Variants in GRIP1 observed in about 807,000 individuals in gnomAD.
GRIP1 encodes glutamate receptor interacting protein 1, also known as glutamate receptor-interacting protein 1.
In GRIP1, 45 loss-of-function variants were observed where a neutral mutation model predicts 129.9. The observed-to-expected ratio is 0.35, with a 90% confidence interval of 0.27 to 0.44. The LOEUF is 0.44. GRIP1 is among the 20% of genes least tolerant of loss of function. GRIP1 has a pLI of 1.00. For synonymous variants in GRIP1, 530 were observed against 520.8 expected, an observed-to-expected ratio of 1.02 and a Z score of -0.24; for missense variants, 1,196 against 1,396.8, an observed-to-expected ratio of 0.86 and a Z score of 2.29.
chr12:66,559,957 G>A (rs913671000), intron 2 of GRIP1, among the ~76,000 whole-genome samples: 1 of 151,966 alleles, frequency 6.6e-6, no homozygotes, highest in African/African-American at 2.4e-5. Flanking sequence ...CATGGTACTG[G>A]CATAAAAACA....
intron 1 of GRIP1, among the ~76,000 whole-genome samples, chr12:66,785,325 TACATACATACATACATAC>T (rs1170127531): frequency 1.9e-5 from 1 of 52,162 alleles, no homozygotes; most frequent in East Asian, 6.9e-4. Flanking sequence ...CATACATACA[TACATACATACATACATAC>T]ATATATATAT....
chr12:67,044,598 C>T (rs2043226114), intron 1 of GRIP1, among the ~76,000 whole-genome samples: 1 of 152,068 alleles, frequency 6.6e-6, no homozygotes. Flanking sequence ...CCTGTTGATT[C>T]CCAGGGTGTA....
intron 1 of GRIP1, among the ~76,000 whole-genome samples, chr12:66,754,873 C>A (rs1022981727): frequency 3.9e-5 from 6 of 152,142 alleles, no homozygotes; most frequent in South Asian, 2.1e-4. Flanking sequence ...CATTCTGATA[C>A]CCTTTCATCT....
At chr12:66,937,258 C>T (rs1164674985) in intron 1 of GRIP1, among the ~76,000 whole-genome samples, 1 of 152,104 alleles carries the variant, frequency 6.6e-6, no homozygotes, top group Non-Finnish European at 1.5e-5. Flanking sequence ...CTACCCCTGA[C>T]ACTTGGCCAC....
At chr12:66,821,712 A>G (rs11176435) in intron 1 of GRIP1, among the ~76,000 whole-genome samples, 16,004 of 152,214 alleles carry the variant, frequency 0.11, 1,070 homozygotes, top group East Asian at 0.23. Flanking sequence ...CATTGAGATC[A>G]CCAGCAACTC....
At chr12:66,906,822 T>C (rs1226858921) in intron 1 of GRIP1, among the ~76,000 whole-genome samples, 2 of 152,236 alleles carry the variant, frequency 1.3e-5, no homozygotes, top group Non-Finnish European at 2.9e-5. Flanking sequence ...AGTTGGCTTT[T>C]CTTTTTAACT....
rs80216708 is a variant in GRIP1 at position 66,851,790 on chromosome 12, T to C, written c.58+217260A>G. Among the ~76,000 whole-genome samples, 1,181 of 152,222 alleles carry C rather than the reference T, an allele frequency of 7.8e-3. 19 individuals carry two copies. Among genetic ancestry groups the C allele is most frequent in the African/African-American group, 0.027 (1,137 of 41,558 alleles). ...ATCTTGGATCCTCATTTCTTCATTC[T>C]CTGAATTTTAAAGGTGTTTCTTCTT... On this transcript the variant is annotated intron_variant, in intron 1 of 1. Coordinates refer to the GRIP1 transcript ENST00000643019.
In GRIP1 at chr12:66,394,317, C is replaced by T. The variant is rs746921797; in HGVS notation, c.2020G>A (p.Val674Met). Residue 674 changes from valine to methionine, a missense_variant, in exon 17 of 25, where the codon GTG becomes ATG. Val to Met is a conservative substitution (Grantham distance 21). Around this residue, in one of 5 missense-constraint regions of GRIP1, gnomAD observed 508 missense variants for 587.0 expected, o/e 0.87. Transcript: ENST00000359742. ...QESSGAIIYTVELKRYGGPLG... is the reference protein window; with the variant it reads ...QESSGAIIYTMELKRYGGPLG... ...GGCCCCCCGTAGCGTTTAAGCTCCA[C>T]GGTGTAAATAATTGCTCCGGAACTT... is the stretch of plus-strand genomic sequence containing the variant. 10 of 1,613,718 alleles carry T rather than the reference C, an allele frequency of 6.2e-6. No homozygotes were observed. The highest frequency in any genetic ancestry group is 8.5e-6 in the Non-Finnish European group (10 of 1,179,734).
intron 1 of GRIP1, among the ~76,000 whole-genome samples, chr12:66,819,008 G>C (rs1422780131): frequency 6.6e-6 from 1 of 152,152 alleles, no homozygotes; most frequent in African/African-American, 2.4e-5. Context: ...TACTAACAAT[G>C]TACTTAAATG....
chr12:66,704,495 T>G (rs2035462288), intron 1 of GRIP1, among the ~76,000 whole-genome samples: 1 of 152,012 alleles, frequency 6.6e-6, no homozygotes, highest in East Asian at 1.9e-4. Flanking sequence ...GGGTAAAGAA[T>G]CAACACAAAT....
intron 2 of GRIP1, among the ~76,000 whole-genome samples, chr12:66,587,327 A>G (rs1362644653): frequency 6.6e-6 from 1 of 152,246 alleles, no homozygotes; most frequent in Non-Finnish European, 1.5e-5. Flanking sequence ...ATGGAGGCCA[A>G]CCTTGGCCTT....
chr12:66,455,402 C>G lies in GRIP1; in HGVS notation c.1354+7G>C. On this transcript the variant is annotated splice_region_variant and intron_variant, in intron 11 of 24. Transcript: ENST00000359742. The stretch of plus-strand genomic sequence containing the variant: ...GGCCAAATGCCATTGGCTGTCATTT[C>G]ACTTACATGAGCTTTTGAAGTCTTT... 1 of 1,613,954 alleles carries G rather than the reference C, an allele frequency of 6.2e-7. No homozygotes were observed. Among genetic ancestry groups the G allele is most frequent in the Non-Finnish European group, 8.5e-7 (1 of 1,179,788 alleles).
At chr12:66,782,651 A>G (rs1297530910) in intron 1 of GRIP1, among the ~76,000 whole-genome samples, 9 of 152,210 alleles carry the variant, frequency 5.9e-5, no homozygotes, top group Non-Finnish European at 1.5e-5. Flanking sequence ...GAGAACTGAT[A>G]TGATAGCCCC....
At chr12:66,830,997 C>T (rs962434073) in intron 1 of GRIP1, among the ~76,000 whole-genome samples, 3 of 151,988 alleles carry the variant, frequency 2.0e-5, no homozygotes, top group African/African-American at 7.3e-5. Context: ...CAAGCATGTG[C>T]CACTACACTT....
intron 3 of GRIP1, among the ~76,000 whole-genome samples, chr12:66,541,423 G>A (rs145301672): frequency 1.3e-3 from 197 of 152,264 alleles, no homozygotes; most frequent in African/African-American, 4.6e-3. Flanking sequence ...TCCCCTCTCT[G>A]GCACTTTTCC....
Position 66,360,245 on chromosome 12 carries a change from C to T in GRIP1, c.3013-6682G>A, listed in dbSNP as rs79099315. ...CAGCCTTTATTCATTTCCAACTGCC[C>T]AACCAACTAAAGATGAATAATTAAT... On this transcript the variant is annotated intron_variant, in intron 23 of 24. Coordinates refer to ENST00000359742, the MANE Select transcript of GRIP1 (RefSeq NM_001366722.1). Among the ~76,000 whole-genome samples, 840 of 152,022 alleles carry T rather than the reference C, an allele frequency of 5.5e-3. 3 individuals carry two copies. Among genetic ancestry groups the T allele is most frequent in the African/African-American group, 0.019 (794 of 41,430 alleles).
chr12:66,624,906 A>C (rs1254557812), intron 1 of GRIP1, among the ~76,000 whole-genome samples: 2 of 152,192 alleles, frequency 1.3e-5, no homozygotes, highest in Non-Finnish European at 2.9e-5. Context: ...CAAAGTAAAA[A>C]TTCATTACTG....
intron 1 of GRIP1, among the ~76,000 whole-genome samples, chr12:66,656,023 G>T (rs1403878659): frequency 6.6e-6 from 1 of 152,130 alleles, no homozygotes; most frequent in East Asian, 1.9e-4. Context: ...TGTAAGTATT[G>T]ATTTGACACC....
intron 1 of GRIP1, among the ~76,000 whole-genome samples, chr12:66,928,437 T>C (rs2041332108): frequency 6.6e-6 from 1 of 152,358 alleles, no homozygotes; most frequent in African/African-American, 2.4e-5. Context: ...AGAAGTACTT[T>C]ACTTTTAAAG....
Sources: allele counts gnomAD v4.1 joint callset (sites outside exome capture counted in the v4.1 genomes callset), GRCh38; gene constraint gnomAD v4.1.1; regional missense constraint gnomAD v4.1.1; transcripts MANE v1.5; gene names NCBI Gene and HGNC (gene_info 2026-07-23, HGNC 2026-07-21).